The following NOX4 variants were observed in gnomAD, a reference collection of about 807,000 sequenced individuals.
NOX4 encodes the protein NADPH oxidase 4.
NOX4 carries 69 observed loss-of-function variants against 87.6 expected under a neutral mutation model. That is an observed-to-expected ratio of 0.79 (90% CI 0.65 to 0.96). The LOEUF (loss-of-function observed/expected upper bound fraction) is 0.96. Among genes scored for constraint, NOX4 ranks in the 40% least tolerant of loss-of-function variants. The pLI is 0.00. For missense variants in NOX4, 680 were observed against 681.5 expected, an observed-to-expected ratio of 1.00 and a Z score of 0.02; for synonymous variants, 275 against 238.2, an observed-to-expected ratio of 1.15 and a Z score of -1.42.
chr11:89,517,492 G>C, the NOX4 span, among the ~76,000 whole-genome samples: 5 of 151,836 alleles, frequency 3.3e-5, no homozygotes, highest in Non-Finnish European at 7.4e-5. Flanking sequence ...TTTAGAGACA[G>C]GGTCTTGCTG....
chr11:89,466,784 G>A (rs1158299611), intron 2 of NOX4, among the ~76,000 whole-genome samples: 2 of 152,120 alleles, frequency 1.3e-5, no homozygotes, highest in Admixed American at 6.5e-5. Context: ...AGATCTAAAT[G>A]GGAAGATCAG....
chr11:89,328,800 CAATCTG>C (rs1020839497), intron 17 of NOX4, among the ~76,000 whole-genome samples: 2 of 151,826 alleles, frequency 1.3e-5, no homozygotes, highest in Admixed American at 1.3e-4. Context: ...GGCCCTAATC[CAATCTG>C]AATGGTGTAC....
the NOX4 span, among the ~76,000 whole-genome samples, chr11:89,587,563 A>G: frequency 6.6e-6 from 1 of 152,136 alleles, no homozygotes; most frequent in African/African-American, 2.4e-5. Flanking sequence ...CAAGGGAATA[A>G]AAAATTGTAA....
At chr11:89,397,726 A>G (rs1941582469) in intron 11 of NOX4, among the ~76,000 whole-genome samples, 1 of 152,176 alleles carries the variant, frequency 6.6e-6, no homozygotes, top group African/African-American at 2.4e-5. Flanking sequence ...AGAAATAGAT[A>G]AATTCCTCGA....
chr11:89,345,224 T>C (rs957262531), intron 13 of NOX4, among the ~76,000 whole-genome samples: 1 of 152,266 alleles, frequency 6.6e-6, no homozygotes, highest in Admixed American at 6.5e-5. Flanking sequence ...ATTTGTAGTT[T>C]TCACCATTCC....
At chr11:89,556,234 G>A in the NOX4 span, among the ~76,000 whole-genome samples, 1 of 151,986 alleles carries the variant, frequency 6.6e-6, no homozygotes, top group Non-Finnish European at 1.5e-5. Flanking sequence ...TAAACCAAAG[G>A]AAACATAATA....
chr11:89,429,684 C>A (rs909948937), intron 7 of NOX4, among the ~76,000 whole-genome samples: 1 of 152,136 alleles, frequency 6.6e-6, no homozygotes, highest in Non-Finnish European at 1.5e-5. Context: ...CCTGAATAGA[C>A]CAATAACAGG....
At chr11:89,516,223 A>G in the NOX4 span, among the ~76,000 whole-genome samples, 8 of 152,076 alleles carry the variant, frequency 5.3e-5, no homozygotes, top group Non-Finnish European at 1.2e-4. Context: ...TTGCATCTAC[A>G]TACATTATAA....
At chr11:89,573,263 C>T in the NOX4 span, among the ~76,000 whole-genome samples, 2 of 152,206 alleles carry the variant, frequency 1.3e-5, no homozygotes, top group African/African-American at 4.8e-5. Context: ...TTTGGCTGGG[C>T]ATGGTGGCTC....
intron 7 of NOX4, among the ~76,000 whole-genome samples, chr11:89,425,423 A>G (rs1213460426): frequency 1.3e-5 from 2 of 150,926 alleles, no homozygotes; most frequent in Non-Finnish European, 2.9e-5. Context: ...AAAAAAAAAA[A>G]ACAAAACAAA....
chr11:89,417,486 G>T (rs1228857492), intron 8 of NOX4, among the ~76,000 whole-genome samples: 2 of 152,062 alleles, frequency 1.3e-5, no homozygotes, highest in Non-Finnish European at 2.9e-5. Flanking sequence ...TCCTCAGGAG[G>T]AAGGCTTGTT....
the NOX4 span, among the ~76,000 whole-genome samples, chr11:89,559,006 A>G: frequency 6.6e-6 from 1 of 152,156 alleles, no homozygotes; most frequent in Non-Finnish European, 1.5e-5. Flanking sequence ...CCTTTTGGCC[A>G]TGCTTTAACT....
intron 8 of NOX4, among the ~76,000 whole-genome samples, chr11:89,415,298 C>T (rs1024542540): frequency 4.6e-5 from 7 of 151,868 alleles, no homozygotes; most frequent in African/African-American, 1.7e-4. Context: ...TTAAGTTGTT[C>T]ATTATATTTG....
At chr11:89,358,359 C>T (rs539616921) in intron 12 of NOX4, among the ~76,000 whole-genome samples, 1 of 139,284 alleles carries the variant, frequency 7.2e-6, no homozygotes, top group East Asian at 2.1e-4. Context: ...ACACTCCAGC[C>T]TGGGCAAGAA....
chr11:89,334,612 C>A (rs536024877), intron 17 of NOX4, among the ~76,000 whole-genome samples: 1 of 151,420 alleles, frequency 6.6e-6, no homozygotes, highest in African/African-American at 2.4e-5. Context: ...AAAAAATATC[C>A]ATTTAATAAG....
At chr11:89,516,194 T>C in the NOX4 span, among the ~76,000 whole-genome samples, 1 of 152,124 alleles carries the variant, frequency 6.6e-6, no homozygotes. Flanking sequence ...TCCCTGTTAG[T>C]ACTGTGCTAT....
the NOX4 span, among the ~76,000 whole-genome samples, chr11:89,579,239 T>C: frequency 1.3e-5 from 2 of 152,204 alleles, no homozygotes; most frequent in African/African-American, 4.8e-5. Flanking sequence ...TACATGCCAT[T>C]ATTCATTTAT....
chr11:89,414,463 C>T (rs1348548557), intron 8 of NOX4, among the ~76,000 whole-genome samples: 1 of 151,722 alleles, frequency 6.6e-6, no homozygotes, highest in African/African-American at 2.4e-5. Flanking sequence ...TATGTTTTGA[C>T]TTAATCCTTT....
chr11:89,564,600 C>G, the NOX4 span, among the ~76,000 whole-genome samples: 1 of 152,034 alleles, frequency 6.6e-6, no homozygotes, highest in Non-Finnish European at 1.5e-5. Flanking sequence ...ACTGGGTAGC[C>G]TTTTCATAAA....
Sources: allele counts gnomAD v4.1 joint callset (sites outside exome capture counted in the v4.1 genomes callset), GRCh38; gene constraint gnomAD v4.1.1; transcripts MANE v1.5; gene names NCBI Gene and HGNC (gene_info 2026-07-23, HGNC 2026-07-21).